WDR7: variants seen among roughly 807,000 people sequenced by gnomAD.
The protein encoded by WDR7 is WD repeat-containing protein 7.
WDR7 carries 46 observed loss-of-function variants against 169.4 expected under a neutral mutation model. The observed-to-expected ratio is 0.27, with a 90% confidence interval of 0.21 to 0.35. The LOEUF (loss-of-function observed/expected upper bound fraction) is 0.35, where lower values mean the gene tolerates loss of function less well. WDR7 is among the 10% of genes least tolerant of loss of function. The pLI, the probability that WDR7 is intolerant of heterozygous loss-of-function variation, is 1.00. For synonymous variants in WDR7, 612 were observed against 666.8 expected, an observed-to-expected ratio of 0.92 and a Z score of 1.27; for missense variants, 1,534 against 1,859.3, an observed-to-expected ratio of 0.83 and a Z score of 3.22.
At chr18:56,987,364 A>G (rs1315392023) in intron 26 of WDR7, among the ~76,000 whole-genome samples, 1 of 147,404 alleles carries the variant, frequency 6.8e-6, no homozygotes, top group Non-Finnish European at 1.5e-5. Context: ...CCACAATTTG[A>G]TGATGATTAT....
intron 14 of WDR7, among the ~76,000 whole-genome samples, chr18:56,752,956 G>A (rs111415253): frequency 6.0e-4 from 91 of 152,286 alleles, no homozygotes; most frequent in African/African-American, 2.1e-3. Flanking sequence ...AAGTACAAGT[G>A]GTTTGATTTG....
At chr18:56,913,476 A>T (rs1056983519) in intron 21 of WDR7, among the ~76,000 whole-genome samples, 4 of 151,340 alleles carry the variant, frequency 2.6e-5, no homozygotes, top group East Asian at 3.9e-4. Context: ...CTCTATCTTT[A>T]AAAAAAAATG....
At chr18:56,776,149 T>G (rs1329243055) in intron 16 of WDR7, among the ~76,000 whole-genome samples, 1 of 151,658 alleles carries the variant, frequency 6.6e-6, no homozygotes, top group Non-Finnish European at 1.5e-5. Flanking sequence ...TCACAAAAAT[T>G]TTTTTTTAGC....
intron 26 of WDR7, among the ~76,000 whole-genome samples, chr18:56,997,667 A>G (rs868184767): frequency 2.0e-5 from 3 of 152,240 alleles, no homozygotes; most frequent in Admixed American, 6.5e-5. Context: ...TGTAAAAAAT[A>G]TATTTTAATT....
At chr18:56,996,656 A>G (rs564272016) in intron 26 of WDR7, among the ~76,000 whole-genome samples, 2 of 152,262 alleles carry the variant, frequency 1.3e-5, no homozygotes, top group Admixed American at 1.3e-4. Flanking sequence ...TGAGGCAGTT[A>G]GTCTAATAGA....
intron 25 of WDR7, among the ~76,000 whole-genome samples, chr18:56,949,985 G>A (rs1281800876): frequency 1.3e-5 from 2 of 152,148 alleles, no homozygotes; most frequent in African/African-American, 4.8e-5. Flanking sequence ...AATCTTGTCA[G>A]TTGTTTTCCT....
chr18:56,787,648 A>G (rs2044423383), intron 19 of WDR7, among the ~76,000 whole-genome samples: 1 of 152,158 alleles, frequency 6.6e-6, no homozygotes, highest in South Asian at 2.1e-4. Flanking sequence ...TTCTTTGTTC[A>G]ATGAAAGACA....
chr18:56,970,480 C>T (rs1568293153), intron 26 of WDR7, among the ~76,000 whole-genome samples: 1 of 152,130 alleles, frequency 6.6e-6, no homozygotes, highest in Non-Finnish European at 1.5e-5. Context: ...CCATATTAGG[C>T]TCCTTCTGAG....
At chr18:56,814,804 TAAA>T (rs574631201) in intron 19 of WDR7, among the ~76,000 whole-genome samples, 1 of 147,738 alleles carries the variant, frequency 6.8e-6, no homozygotes, top group Admixed American at 6.8e-5. Flanking sequence ...AGTTAAAAAT[TAAA>T]AAAAAAAATG....
At chr18:56,818,834 C>T (rs1293963496) in intron 20 of WDR7, among the ~76,000 whole-genome samples, 1 of 152,108 alleles carries the variant, frequency 6.6e-6, no homozygotes, top group Non-Finnish European at 1.5e-5. Flanking sequence ...CTGGCTAGTG[C>T]AGCCATTCAG....
chr18:56,835,028 C>T (rs750902234), intron 20 of WDR7, among the ~76,000 whole-genome samples: 2 of 152,188 alleles, frequency 1.3e-5, no homozygotes, highest in Non-Finnish European at 2.9e-5. Flanking sequence ...TAGGGATCTT[C>T]TCTACCTTTT....
chr18:56,672,530 C>T lies in WDR7; in HGVS notation c.15C>T (p.Ser5=), dbSNP rs757482756. The change falls in exon 2 of 28, where the codon AGC becomes AGT. Residue 5 remains serine, a synonymous_variant. Transcript: ENST00000254442. ...ACACAAACACAATGGCAGGAAACAG[C>T]CTTGTTCTACCCATTGTTCTTTGGG... MAGN[S]LVLPIVLWGR... The T allele has an allele frequency of 4.4e-6, 7 of 1,587,906 alleles. No homozygotes were observed. In the African/African-American group the frequency reaches 8.1e-5, roughly 18 times the overall value.
intron 20 of WDR7, among the ~76,000 whole-genome samples, chr18:56,869,841 A>G (rs1304270396): frequency 6.6e-6 from 1 of 152,184 alleles, no homozygotes; most frequent in African/African-American, 2.4e-5. Context: ...ATTTTGTAGA[A>G]ATTGCAGAGC....
At chr18:56,922,486 T>C (rs1277734069) in intron 21 of WDR7, among the ~76,000 whole-genome samples, 1 of 152,204 alleles carries the variant, frequency 6.6e-6, no homozygotes. Flanking sequence ...AAGTAAAACA[T>C]GAAGCTTTAC....
chr18:56,783,162 TAAAA>T (rs5825204), intron 19 of WDR7, among the ~76,000 whole-genome samples: 2 of 148,530 alleles, frequency 1.3e-5, no homozygotes, highest in South Asian at 2.1e-4. Flanking sequence ...CAAATTAAGT[TAAAA>T]AAAAAAACAA....
Position 56,660,379 on chromosome 18 carries a change from G to A in WDR7, c.-20+8803G>A, listed in dbSNP as rs375136911. 2.6e-5 allele frequency among the ~76,000 whole-genome samples: 4 copies of A among 152,114 alleles called. No homozygotes were observed. In the East Asian group the frequency reaches 7.7e-4, roughly 29 times the overall value. On this transcript the variant is annotated intron_variant, in intron 1 of 27. Transcript: ENST00000254442. ...ATGCTCCAAAATCCAAAACTCTTGAGCATAAACATGACACTCCAAAGAAAT... is the reference window on the plus strand; with the variant it reads ...ATGCTCCAAAATCCAAAACTCTTGAACATAAACATGACACTCCAAAGAAAT...
intron 17 of WDR7, among the ~76,000 whole-genome samples, chr18:56,778,506 A>G (rs2044271484): frequency 6.6e-6 from 1 of 152,256 alleles, no homozygotes; most frequent in East Asian, 1.9e-4. Context: ...TGAGGAATTT[A>G]TTGTATATGT....
chr18:56,887,241 T>G lies in WDR7; in HGVS notation c.3526+7076T>G, dbSNP rs111865201. Among the ~76,000 whole-genome samples the G allele has an allele frequency of 2.2e-3, 332 of 152,308 alleles. 3 individuals carry two copies. Among genetic ancestry groups the G allele is most frequent in the African/African-American group, 7.7e-3 (321 of 41,574 alleles). On this transcript the variant is annotated intron_variant, in intron 21 of 27. Coordinates refer to ENST00000254442, the MANE Select transcript of WDR7 (RefSeq NM_015285.3). ...AGTTGAACTATATGGAAAGGGGTTC[T>G]GGAGTGTATTTCTGGCATGAGCTCA...
chr18:56,790,798 G>C (rs564034947), intron 19 of WDR7, among the ~76,000 whole-genome samples: 1 of 151,786 alleles, frequency 6.6e-6, no homozygotes, highest in African/African-American at 2.4e-5. Context: ...TGGTTTCATC[G>C]TGCATGACAT....
Sources: gnomAD v4.1 joint callset for allele counts (sites outside exome capture counted in the v4.1 genomes callset) on GRCh38, gnomAD v4.1.1 for gene constraint, MANE v1.5 for transcripts, NCBI Gene and HGNC (gene_info 2026-07-23, HGNC 2026-07-21) for gene names.